JHY: variants seen among roughly 807,000 people sequenced by gnomAD.
JHY encodes the protein junctional cadherin complex regulator.
A neutral mutation model predicts 78.0 loss-of-function variants in JHY; 69 were observed. The observed-to-expected ratio is 0.88, with a 90% CI of 0.73 to 1.08. The LOEUF (loss-of-function observed/expected upper bound fraction) is 1.08, where lower values mean the gene tolerates loss of function less well. JHY is among the 50% of genes least tolerant of loss of function. The pLI is 0.00. For missense variants in JHY, 944 were observed against 927.8 expected (o/e 1.02, Z -0.23); for synonymous variants, 368 against 342.6 (o/e 1.07, Z -0.82).
At chr11:122,933,597 G>T (rs186943281) in intron 4 of JHY, among the ~76,000 whole-genome samples, 2 of 152,148 alleles carry the variant, frequency 1.3e-5, no homozygotes, top group African/African-American at 2.4e-5. Context: ...TTGCCTAAGC[G>T]CAGGCTATAT....
At chr11:122,957,139 C>T (rs557969636) in intron 7 of JHY, among the ~76,000 whole-genome samples, 1 of 152,188 alleles carries the variant, frequency 6.6e-6, no homozygotes, top group South Asian at 2.1e-4. Flanking sequence ...AAGGGAATAC[C>T]GGGCGTGATA....
At chr11:122,887,024 A>G (rs767323019) in intron 2 of JHY, among the ~76,000 whole-genome samples, 41 of 152,356 alleles carry the variant, frequency 2.7e-4, no homozygotes, top group Non-Finnish European at 4.9e-4. Context: ...CTCTGTTACA[A>G]TTGAGGCACT....
At chr11:122,893,937 T>A (rs2135289100) in intron 2 of JHY, among the ~76,000 whole-genome samples, 1 of 152,296 alleles carries the variant, frequency 6.6e-6, no homozygotes, top group Non-Finnish European at 1.5e-5. Context: ...GTGCTTGGAC[T>A]AGAACCCAGG....
intron 3 of JHY, among the ~76,000 whole-genome samples, chr11:122,908,751 TGCAGTG>T (rs1863046454): frequency 6.6e-6 from 1 of 152,190 alleles, no homozygotes; most frequent in South Asian, 2.1e-4. Context: ...CAGGCTGAAG[TGCAGTG>T]GCACTATCTC....
intron 4 of JHY, among the ~76,000 whole-genome samples, chr11:122,925,211 T>C (rs1472683797): frequency 2.6e-5 from 4 of 152,298 alleles, no homozygotes; most frequent in African/African-American, 9.6e-5. Flanking sequence ...TTTCCAAGGG[T>C]TCTGTTTGCT....
intron 5 of JHY, among the ~76,000 whole-genome samples, chr11:122,936,238 G>T (rs976211017): frequency 5.3e-5 from 8 of 152,110 alleles, no homozygotes; most frequent in Admixed American, 1.3e-4. Context: ...GCTATACAAG[G>T]TACAAAAGAA....
chr11:122,919,987 T>G (rs1010661063), intron 3 of JHY, among the ~76,000 whole-genome samples: 1 of 152,150 alleles, frequency 6.6e-6, no homozygotes, highest in African/African-American at 2.4e-5. Context: ...AATACAAACC[T>G]TTGGATAATT....
intron 5 of JHY, among the ~76,000 whole-genome samples, chr11:122,943,743 C>T (rs1053792387): frequency 1.8e-4 from 27 of 152,050 alleles, no homozygotes; most frequent in Admixed American, 5.2e-4. Context: ...TTTATGCTTT[C>T]TGATACTAAT....
Position 122,935,848 on chromosome 11 carries a change from A to T in JHY, c.1634+773A>T, listed in dbSNP as rs1013746449. On this transcript the variant is annotated intron_variant, in intron 5 of 8. Transcript: ENST00000227349. This position sits in a 1 kb window ranked among gnomAD's most constrained non-coding sequence, Gnocchi z 4.5. ...TGATATTTAGTATCATGGAACCACT[A>T]AAAATTATGGTTATGAGGAAATGCT... 6.6e-6 allele frequency among the ~76,000 whole-genome samples: 1 copy of T among 152,224 alleles called. No individual in the cohort carries two copies.
At chr11:122,956,366 C>A in intron 6 of JHY, 130 bp from the exon 7 acceptor site, 1 of 580,972 alleles carries the variant, frequency 1.7e-6, no homozygotes, top group Non-Finnish European at 2.9e-6. Context: ...TGCGGCCATT[C>A]TCTGACAGTG....
chr11:122,903,839 T>G lies in JHY; in HGVS notation c.345-86T>G, dbSNP rs1862915547. 3.4e-6 allele frequency: 5 copies of G among 1,470,334 alleles called. No homozygotes were observed. In the Admixed American group the frequency reaches 1.1e-4, roughly 33 times the overall value. The allele number at this position is 1,470,334 out of a possible 1,614,324, so 91.1% of individuals were successfully genotyped here. On this transcript the variant is annotated intron_variant, in intron 2 of 8. Transcript: ENST00000227349. ...GAAAACTATAGGAGAAAGACTGAGA[T>G]TGATTTCAAATAAAATGTTCAACTG...
intron 3 of JHY, among the ~76,000 whole-genome samples, chr11:122,918,908 C>G (rs1435001569): frequency 1.4e-5 from 2 of 146,544 alleles, no homozygotes; most frequent in East Asian, 3.9e-4. Flanking sequence ...AAGCAGTTAC[C>G]AGGGTGATAC....
Position 122,934,094 on chromosome 11 carries a change from C to T in JHY, c.979-326C>T, listed in dbSNP as rs1863691613. Reference sequence around the variant, plus strand: ...AGGAGGAATCACTCAGTTATTAACTCCAATTCCCTGAAATTAGGAAAAAAA... The same window carrying T: ...AGGAGGAATCACTCAGTTATTAACTTCAATTCCCTGAAATTAGGAAAAAAA... On this transcript the variant is annotated intron_variant, in intron 4 of 8. Transcript: ENST00000227349. 2.0e-5 allele frequency among the ~76,000 whole-genome samples: 3 copies of T among 152,094 alleles called. No individual in the cohort carries two copies. The South Asian group carries it at 6.2e-4, about 32-fold the overall frequency.
Position 122,903,991 on chromosome 11 carries a change from G to A in JHY, c.411G>A (p.Glu137=). 1.9e-6 allele frequency: 3 copies of A among 1,613,994 alleles called. No homozygotes were observed. The highest frequency in any genetic ancestry group is 2.5e-6 in the Non-Finnish European group (3 of 1,179,894). The change falls in exon 3 of 9, where the codon GAG becomes GAA. Residue 137 remains glutamate, a synonymous_variant. Coordinates refer to ENST00000227349, the MANE Select transcript of JHY (RefSeq NM_024806.4). ...RYDPNWKSKK[E]EGQLLSVEAL... ...ACCCGAACTGGAAGAGTAAGAAGGA[G>A]GAAGGGCAGCTGCTGTCTGTGGAAG... is the stretch of plus-strand genomic sequence containing the variant.
At chr11:122,955,271 C>T (rs189741430) in intron 6 of JHY, among the ~76,000 whole-genome samples, 17 of 152,194 alleles carry the variant, frequency 1.1e-4, no homozygotes, top group African/African-American at 1.7e-4. Flanking sequence ...CAGGTGCCTG[C>T]CACCACGCCC....
At chr11:122,905,732 T>C (rs771213834) in intron 3 of JHY, 22 of 282,306 alleles carry the variant, frequency 7.8e-5, no homozygotes, top group East Asian at 1.7e-4. Context: ...CCGGGTGTGG[T>C]GATGCACACC....
At chr11:122,924,019 G>A (rs1043966857) in intron 3 of JHY, among the ~76,000 whole-genome samples, 55 of 151,178 alleles carry the variant, frequency 3.6e-4, no homozygotes, top group African/African-American at 1.3e-3. Context: ...TTATAGGTGT[G>A]AGCCACTGCG....
intron 5 of JHY, among the ~76,000 whole-genome samples, chr11:122,936,288 A>G (rs186007724): frequency 1.3e-4 from 20 of 152,322 alleles, no homozygotes; most frequent in African/African-American, 4.6e-4. Context: ...TTGACTTTCA[A>G]AGTAGGGAGA....
chr11:122,910,873 G>T (rs1454415946), intron 3 of JHY, among the ~76,000 whole-genome samples: 2 of 152,108 alleles, frequency 1.3e-5, no homozygotes, highest in African/African-American at 4.8e-5. Flanking sequence ...TCTGCTGATT[G>T]TACATTAACA....
Sources: allele counts gnomAD v4.1 joint callset (sites outside exome capture counted in the v4.1 genomes callset), GRCh38; gene constraint gnomAD v4.1.1; non-coding constraint Gnocchi (gnomAD v3.1); transcripts MANE v1.5; gene names NCBI Gene and HGNC (gene_info 2026-07-23, HGNC 2026-07-21).